Variants in PSTK observed in about 807,000 individuals in gnomAD.
The protein encoded by PSTK is L-seryl-tRNA(Sec) kinase.
In PSTK, 26 loss-of-function variants were observed where a neutral mutation model predicts 38.6. That is an observed-to-expected ratio of 0.67 (90% CI 0.49 to 0.94). The LOEUF is 0.94. Among genes scored for constraint, PSTK ranks in the 40% least tolerant of loss-of-function variants. The pLI is 0.00. For missense variants in PSTK, 445 were observed against 436.3 expected (o/e 1.02, Z -0.18); for synonymous variants, 181 against 161.7 (o/e 1.12, Z -0.91).
chr10:122,982,189 C>G (rs1407300113), intron 1 of PSTK: 3 of 152,392 alleles, frequency 2.0e-5, no homozygotes, highest in African/African-American at 7.2e-5. Context: ...GACTTTTCAC[C>G]TGATCTTTTT....
Position 122,980,648 on chromosome 10 carries a change from G to A in PSTK, c.169G>A (p.Asp57Asn). 8 of 1,610,210 alleles carry A rather than the reference G, an allele frequency of 5.0e-6. No individual in the cohort carries two copies. The highest frequency in any genetic ancestry group is 6.8e-6 in the Non-Finnish European group (8 of 1,178,950). Residue 57 changes from aspartate to asparagine, a missense_variant, in exon 1 of 6, where the codon GAC becomes AAC. Coordinates refer to ENST00000406217, the MANE Select transcript of PSTK (RefSeq NM_001363531.2). This position sits in a 1 kb window ranked among gnomAD's most constrained non-coding sequence, Gnocchi z 4.3. Reference protein sequence around the residue: ...GWAIGVVAYDDVMPDAFLAGA... With the variant: ...GWAIGVVAYDNVMPDAFLAGA... ...GGCCATCGGTGTTGTCGCGTATGAT[G>A]ACGTCATGCCCGACGCGTTTCTCGC... is the stretch of plus-strand genomic sequence containing the variant.
Position 122,982,829 on chromosome 10 carries a change from A to G in PSTK, c.313A>G (p.Asn105Asp). Residue 105 changes from asparagine (N) to aspartate (D), a missense_variant, in exon 2 of 6, where the codon AAC becomes GAC. Transcript: ENST00000406217. ...TGGGTGTCAGATGTCTGTCCCACCCAACAGGACTGAAGCCATGTGGGAAGA... is the reference window on the plus strand; with the variant it reads ...TGGGTGTCAGATGTCTGTCCCACCCGACAGGACTGAAGCCATGTGGGAAGA... ...INGCQMSVPP[N>D]RTEAMWEDFI... 1 of 1,614,144 alleles carries G rather than the reference A, an allele frequency of 6.2e-7. No individual in the cohort carries two copies. The highest frequency in any genetic ancestry group is 8.5e-7 in the Non-Finnish European group (1 of 1,179,956).
intron 5 of PSTK, among the ~76,000 whole-genome samples, chr10:122,989,451 C>T (rs574467681): frequency 3.3e-5 from 5 of 152,180 alleles, no homozygotes; most frequent in Admixed American, 1.3e-4. Flanking sequence ...GGGGTTTCAC[C>T]ATGTTGGCCA....
At chr10:122,986,228 C>CAAAAA (rs544540038) in intron 3 of PSTK, 72 bp from the exon 4 acceptor site, 4 of 603,870 alleles carry the variant, frequency 6.6e-6, no homozygotes, top group Admixed American at 4.4e-5. Flanking sequence ...GACTCCATCT[C>CAAAAA]AAAAAAAAAA....
chr10:122,987,622 T>A, intron 5 of PSTK: 4 of 1,382,228 alleles, frequency 2.9e-6, no homozygotes, highest in Non-Finnish European at 2.9e-6. Context: ...GTAACTAGAG[T>A]TTTACACAGT....
intron 1 of PSTK, chr10:122,982,473 T>A: frequency 2.1e-6 from 1 of 469,566 alleles, no homozygotes; most frequent in Non-Finnish European, 3.8e-6. Context: ...TAGAATGGGG[T>A]TTCATGATGG....
At position 122,980,585 on chromosome 10, in the gene PSTK, C is replaced by A; in HGVS notation, c.106C>A (p.Arg36Ser). The A allele has an allele frequency of 6.2e-7, 1 of 1,611,910 alleles. No homozygotes were observed. Among genetic ancestry groups the A allele is most frequent in the Non-Finnish European group, 8.5e-7 (1 of 1,179,554 alleles). The change falls in exon 1 of 6, where the codon CGC (arginine) becomes AGC (serine). Residue 36 changes from arginine to serine, a missense_variant. By Grantham distance (110) the Arg-to-Ser change is moderately radical (BLOSUM62 -1). Transcript: ENST00000406217. The surrounding 1 kb of genome is among the most constrained non-coding windows in gnomAD (Gnocchi z 4.3). ...CGCGGCAGGAAAATCGACTTTCGCG[C>A]GCGCCCTCGCCCACCGGCTGCAGCA... ...LPAAGKSTFA[R>S]ALAHRLQQEQ...
Position 122,980,779 on chromosome 10 carries a change from C to G in PSTK, c.216+84C>G, listed in dbSNP as rs1848949519. 5.5e-6 allele frequency: 7 copies of G among 1,273,448 alleles called. No homozygotes were observed. Among genetic ancestry groups the G allele is most frequent in the Non-Finnish European group, 6.9e-6 (7 of 1,016,510 alleles). 78.9% of individuals were successfully genotyped at this position (1,273,448 alleles called of 1,614,324 possible). On this transcript the variant is annotated intron_variant, in intron 1 of 5. Transcript: ENST00000406217. This position sits in a 1 kb window ranked among gnomAD's most constrained non-coding sequence, Gnocchi z 4.3. ...GCGGGGACACTCGCGTCCACGCGGTCCTGGGTGATTTGCCATGAGCGCCCA... is the reference window on the plus strand; with the variant it reads ...GCGGGGACACTCGCGTCCACGCGGTGCTGGGTGATTTGCCATGAGCGCCCA...
At position 122,980,735 on chromosome 10, in the gene PSTK, C is replaced by CG; in HGVS notation, c.216+44dup. 1 of 133,346 alleles carries CG rather than the reference C, an allele frequency of 7.5e-6. No individual in the cohort carries two copies. The highest frequency in any genetic ancestry group is 8.8e-6 in the Non-Finnish European group (1 of 114,042). 8.3% of individuals were successfully genotyped at this position (133,346 alleles called of 1,614,324 possible). On this transcript the variant is annotated intron_variant, in intron 1 of 5. Transcript: ENST00000406217. The surrounding 1 kb of genome is among the most constrained non-coding windows in gnomAD (Gnocchi z 4.3). ...GCGGGGCCTGGGCCGCGGGGCGGGG[C>CG]GGGGCGGGGCGGGGCGGGGCGGGGA...
In PSTK at chr10:122,980,723, CGCGGGGCGGGGCGGG is replaced by C. The variant is rs57636916; in HGVS notation, c.216+50_216+64del. ...CAGCACGGAGGGGCGGGGCCTGGGCCGCGGGGCGGGGCGGGGCGGGGCGGGGCGGGGCGGGGACAC... is the reference window on the plus strand; with the variant it reads ...CAGCACGGAGGGGCGGGGCCTGGGCCGCGGGGCGGGGCGGGGCGGGGACAC... On this transcript the variant is annotated intron_variant, in intron 1 of 5. Coordinates refer to ENST00000406217, the MANE Select transcript of PSTK (RefSeq NM_001363531.2). This position sits in a 1 kb window ranked among gnomAD's most constrained non-coding sequence, Gnocchi z 4.3. 542 of 660,580 alleles carry C rather than the reference CGCGGGGCGGGGCGGG, an allele frequency of 8.2e-4. 61 individuals carry two copies. The East Asian group carries it at 0.026, about 32-fold the overall frequency. 40.9% of individuals were successfully genotyped at this position (660,580 alleles called of 1,614,324 possible).
intron 5 of PSTK, among the ~76,000 whole-genome samples, chr10:122,988,852 C>CA (rs1849070366): frequency 6.6e-6 from 1 of 152,040 alleles, no homozygotes; most frequent in Non-Finnish European, 1.5e-5. Context: ...GGTGTATACC[C>CA]AAGAGAGATG....
chr10:122,987,752 A>C (rs1849056424), intron 5 of PSTK, among the ~76,000 whole-genome samples: 1 of 152,200 alleles, frequency 6.6e-6, no homozygotes, highest in Non-Finnish European at 1.5e-5. Flanking sequence ...ACTGTTTCTA[A>C]TCTTCACAGT....
At chr10:122,983,235 G>T (rs1848990123) in intron 2 of PSTK, 37 bp from the exon 3 acceptor site, 8 of 1,520,888 alleles carry the variant, frequency 5.3e-6, no homozygotes, top group Non-Finnish European at 7.2e-6. Flanking sequence ...TGGAAAAAGA[G>T]TATACCAGTA....
In PSTK at chr10:122,980,850, A is replaced by C. The variant is rs1848951219; in HGVS notation, c.216+155A>C. 2 of 983,296 alleles carry C rather than the reference A, an allele frequency of 2.0e-6. No individual in the cohort carries two copies. The highest frequency in any genetic ancestry group is 2.4e-6 in the Non-Finnish European group (2 of 828,000). The allele number at this position is 983,296 out of a possible 1,614,324, so 60.9% of individuals were successfully genotyped here. ...AGTTCGAGAAAAGTGGAGCTGGGTT[A>C]ACATAGTTACTGCAGAGGGTGAATG... On this transcript the variant is annotated intron_variant, in intron 1 of 5. Transcript: ENST00000406217. The surrounding 1 kb of genome is among the most constrained non-coding windows in gnomAD (Gnocchi z 4.3).
Position 122,980,859 on chromosome 10 carries a change from A to G in PSTK, c.216+164A>G. On this transcript the variant is annotated intron_variant, in intron 1 of 5. Coordinates refer to ENST00000406217, the MANE Select transcript of PSTK (RefSeq NM_001363531.2). The surrounding 1 kb of genome is among the most constrained non-coding windows in gnomAD (Gnocchi z 4.3). Reference sequence around the variant, plus strand: ...AAAGTGGAGCTGGGTTAACATAGTTACTGCAGAGGGTGAATGCGTTGGCTG... The same window carrying G: ...AAAGTGGAGCTGGGTTAACATAGTTGCTGCAGAGGGTGAATGCGTTGGCTG... 1.0e-6 allele frequency: 1 copy of G among 976,558 alleles called. No homozygotes were observed. The highest frequency in any genetic ancestry group is 1.2e-6 in the Non-Finnish European group (1 of 821,872). The allele number at this position is 976,558 out of a possible 1,614,324, so 60.5% of individuals were successfully genotyped here.
chr10:122,982,554 AG>A (rs1292673587), intron 1 of PSTK, 178 bp from the exon 2 acceptor site: 1 of 604,160 alleles, frequency 1.7e-6, no homozygotes, highest in Admixed American at 3.0e-5. Context: ...TAGTAACATT[AG>A]TTTTCCAGGC....
rs1848952565 is a variant in PSTK, at chr10:122,980,946, T to G, written c.216+251T>G. 2.7e-6 allele frequency: 1 copy of G among 367,672 alleles called. No individual in the cohort carries two copies. The highest frequency in any genetic ancestry group is 3.8e-6 in the Non-Finnish European group (1 of 265,666). 22.8% of individuals were successfully genotyped at this position (367,672 alleles called of 1,614,324 possible). A position where few individuals can be genotyped will look rare whatever the true frequency, so the allele number is the denominator to read the frequency against. On this transcript the variant is annotated intron_variant, in intron 1 of 5. Coordinates refer to ENST00000406217, the MANE Select transcript of PSTK (RefSeq NM_001363531.2). The surrounding 1 kb of genome is among the most constrained non-coding windows in gnomAD (Gnocchi z 4.3). ...CATTTTAGATGCTTATCTGTATATTTGATGCATGTATATGTTGTATATTCT... is the reference window on the plus strand; with the variant it reads ...CATTTTAGATGCTTATCTGTATATTGGATGCATGTATATGTTGTATATTCT...
chr10:122,987,592 T>C (rs2421154), intron 5 of PSTK: 1,016,242 of 1,516,290 alleles, frequency 0.67, 343,639 homozygotes, highest in Non-Finnish European at 0.69. Context: ...TCTGAATTTA[T>C]ATAATAGATG....
chr10:122,980,484 A>C lies in PSTK; in HGVS notation c.5A>C (p.Lys2Thr). The change falls in exon 1 of 6, where the codon AAG becomes ACG. Residue 2 changes from lysine (K) to threonine (T), a missense_variant. Lys to Thr is a moderately conservative substitution (Grantham distance 78). Transcript: ENST00000406217. The surrounding 1 kb of genome is among the most constrained non-coding windows in gnomAD (Gnocchi z 4.3). The stretch of plus-strand genomic sequence containing the variant: ...CCTCCGGTCTCCCCGGGCAGCATGA[A>C]GACCGCCGAGAACATCAGAGGAACC... M[K>T]TAENIRGTGS... 6.3e-7 allele frequency: 1 copy of C among 1,598,648 alleles called. No individual in the cohort carries two copies. Among genetic ancestry groups the C allele is most frequent in the Non-Finnish European group, 8.5e-7 (1 of 1,175,874 alleles).
Sources: allele counts gnomAD v4.1 joint callset (sites outside exome capture counted in the v4.1 genomes callset), GRCh38; gene constraint gnomAD v4.1.1; non-coding constraint Gnocchi (gnomAD v3.1); transcripts MANE v1.5; gene names NCBI Gene and HGNC (gene_info 2026-07-23, HGNC 2026-07-21).